TGM6: variants seen among roughly 807,000 people sequenced by gnomAD.
The protein encoded by TGM6 is protein-glutamine gamma-glutamyltransferase 6.
TGM6 carries 74 observed loss-of-function variants against 77.5 expected under a neutral mutation model. The observed-to-expected ratio is 0.96, with a 90% CI of 0.79 to 1.16. The LOEUF (loss-of-function observed/expected upper bound fraction) is 1.16, where lower values mean the gene tolerates loss of function less well. TGM6 is among the 50% of genes most tolerant of loss of function. TGM6 has a pLI of 0.00. For missense variants in TGM6, 968 were observed against 940.2 expected (o/e 1.03, Z -0.39); for synonymous variants, 383 against 378.9 (o/e 1.01, Z -0.12).
chr20:2,418,840 G>C (rs976417227), intron 10 of TGM6, among the ~76,000 whole-genome samples: 17 of 152,182 alleles, frequency 1.1e-4, no homozygotes, highest in Middle Eastern at 3.4e-3. Context: ...ATTTTGGGAG[G>C]CCAAGGCGGG....
In TGM6 at chr20:2,403,779, G is replaced by A. The variant is rs2084730143; in HGVS notation, c.1292G>A (p.Ser431Asn). 1.2e-6 allele frequency: 2 copies of A among 1,614,090 alleles called. No individual in the cohort carries two copies. The highest frequency in any genetic ancestry group is 1.7e-6 in the Non-Finnish European group (2 of 1,180,048). Residue 431 changes from serine to asparagine, a missense_variant, in exon 9 of 13, where the codon AGT becomes AAT. Coordinates refer to ENST00000202625, the MANE Select transcript of TGM6 (RefSeq NM_198994.3). The part of the protein sequence containing the change: ...GRCISTKAVG[S>N]DSRVDITDLY... ...TGCATCAGCACCAAGGCGGTGGGCA[G>A]TGACTCCCGCGTGGACATCACTGAC...
At chr20:2,422,760 C>T (rs1438216281) in intron 10 of TGM6, among the ~76,000 whole-genome samples, 4 of 151,544 alleles carry the variant, frequency 2.6e-5, no homozygotes, top group Admixed American at 1.3e-4. Context: ...GGTGAAACCC[C>T]ATCTCTACAA....
At chr20:2,404,255 G>A (rs1418439648) in intron 9 of TGM6, among the ~76,000 whole-genome samples, 2 of 152,198 alleles carry the variant, frequency 1.3e-5, no homozygotes, top group East Asian at 1.9e-4. Context: ...GCCAGGGCCT[G>A]TGCCGTGATA....
intron 9 of TGM6, among the ~76,000 whole-genome samples, chr20:2,411,507 A>G (rs940082964): frequency 1.3e-5 from 2 of 152,202 alleles, no homozygotes; most frequent in African/African-American, 2.4e-5. Context: ...CCTCAGTCTG[A>G]TAAGTCACCT....
rs112872747 is a variant in TGM6, at chr20:2,394,755, C to T, written c.181+130C>T. On this transcript the variant is annotated intron_variant, in intron 2 of 12. Coordinates refer to ENST00000202625, the MANE Select transcript of TGM6 (RefSeq NM_198994.3). ...AGCAAGTCACTGTAGGTAGACGGAGCCTTGAACCCTGGAGGCTTCTGGTGG... is the reference window on the plus strand; with the variant it reads ...AGCAAGTCACTGTAGGTAGACGGAGTCTTGAACCCTGGAGGCTTCTGGTGG... The T allele has an allele frequency of 7.9e-6, 9 of 1,132,280 alleles. No individual in the cohort carries two copies. In the East Asian group the frequency reaches 1.3e-4, roughly 16 times the overall value. The allele number at this position is 1,132,280 out of a possible 1,614,324, so 70.1% of individuals were successfully genotyped here.
At chr20:2,389,083 G>A (rs190475653) in intron 1 of TGM6, among the ~76,000 whole-genome samples, 19 of 152,306 alleles carry the variant, frequency 1.2e-4, no homozygotes, top group African/African-American at 4.6e-4. Flanking sequence ...TTGACCCATA[G>A]GATAAGGCGG....
chr20:2,386,912 A>G (rs1192737331), intron 1 of TGM6, among the ~76,000 whole-genome samples: 1 of 152,164 alleles, frequency 6.6e-6, no homozygotes, highest in East Asian at 1.9e-4. Flanking sequence ...CCTGGGGCAT[A>G]CCAGGGCTGA....
At chr20:2,381,703 G>C (rs1393879127) in intron 1 of TGM6, among the ~76,000 whole-genome samples, 1 of 152,182 alleles carries the variant, frequency 6.6e-6, no homozygotes, top group African/African-American at 2.4e-5. Flanking sequence ...GAATTCTTGA[G>C]CTCAGGAGTT....
intron 7 of TGM6, 119 bp from the exon 8 acceptor site, chr20:2,403,278 C>A: frequency 9.8e-7 from 1 of 1,025,534 alleles, no homozygotes; most frequent in Non-Finnish European, 1.5e-6. Flanking sequence ...ATGAGTGATT[C>A]ACAACATGCA....
At chr20:2,381,997 C>CCG (rs1555798601) in intron 1 of TGM6, among the ~76,000 whole-genome samples, 3 of 152,072 alleles carry the variant, frequency 2.0e-5, no homozygotes, top group African/African-American at 7.2e-5. Context: ...AAGAACTTGT[C>CCG]TTAGATGCTG....
At chr20:2,399,982 C>A (rs191294949) in intron 6 of TGM6, among the ~76,000 whole-genome samples, 2 of 152,146 alleles carry the variant, frequency 1.3e-5, no homozygotes, top group Non-Finnish European at 2.9e-5. Flanking sequence ...GCGAGCCCTG[C>A]GGCTCCCTTG....
chr20:2,401,650 T>A (rs565258291), intron 7 of TGM6, among the ~76,000 whole-genome samples: 147 of 152,304 alleles, frequency 9.7e-4, no homozygotes, highest in Middle Eastern at 6.8e-3. Flanking sequence ...AACCTGTGAA[T>A]AAGTTAAGAT....
chr20:2,394,301 A>G (rs2084646935), intron 1 of TGM6, 151 bp from the exon 2 acceptor site: 1 of 975,756 alleles, frequency 1.0e-6, no homozygotes, highest in Non-Finnish European at 1.5e-6. Flanking sequence ...CTCAAAACAA[A>G]CAAACAAACA....
intron 1 of TGM6, among the ~76,000 whole-genome samples, chr20:2,388,365 C>T (rs770767450): frequency 5.9e-5 from 9 of 152,180 alleles, no homozygotes; most frequent in Admixed American, 2.0e-4. Flanking sequence ...ATTTTACAGT[C>T]TGTAACTTCT....
chr20:2,387,847 C>A (rs562080121), intron 1 of TGM6, among the ~76,000 whole-genome samples: 1 of 152,328 alleles, frequency 6.6e-6, no homozygotes, highest in East Asian at 1.9e-4. Flanking sequence ...GCTGAAGGAC[C>A]CACTTGCCAG....
intron 9 of TGM6, among the ~76,000 whole-genome samples, chr20:2,415,881 G>A (rs1295620632): frequency 1.3e-5 from 2 of 152,150 alleles, no homozygotes; most frequent in East Asian, 3.9e-4. Flanking sequence ...CTAGCAGTGG[G>A]GAAAGTGGTG....
At chr20:2,390,993 T>C (rs1452017056) in intron 1 of TGM6, among the ~76,000 whole-genome samples, 1 of 152,004 alleles carries the variant, frequency 6.6e-6, no homozygotes, top group African/African-American at 2.4e-5. Flanking sequence ...GTGCTCAATC[T>C]TGAAGGGCTT....
At chr20:2,427,135 T>C (rs964989911) in intron 10 of TGM6, among the ~76,000 whole-genome samples, 2 of 152,192 alleles carry the variant, frequency 1.3e-5, no homozygotes, top group Non-Finnish European at 2.9e-5. Flanking sequence ...GATTAATGTG[T>C]TCTGGTTTGG....
chr20:2,422,352 G>T (rs1486530927), intron 10 of TGM6, among the ~76,000 whole-genome samples: 2 of 152,028 alleles, frequency 1.3e-5, no homozygotes, highest in African/African-American at 4.8e-5. Flanking sequence ...TATTTCCTTT[G>T]CTACTTTGTC....
Sources: gnomAD v4.1 joint callset for allele counts (sites outside exome capture counted in the v4.1 genomes callset) on GRCh38, gnomAD v4.1.1 for gene constraint, MANE v1.5 for transcripts, NCBI Gene and HGNC (gene_info 2026-07-23, HGNC 2026-07-21) for gene names.